Variants in PCDHGA1 observed in about 807,000 individuals in gnomAD.
PCDHGA1 encodes the protein protocadherin gamma-A1.
PCDHGA1 carries 32 observed loss-of-function variants against 58.0 expected under a neutral mutation model. The observed-to-expected ratio is 0.55, with a 90% CI of 0.42 to 0.74. PCDHGA1 has a LOEUF of 0.74. Ranked by LOEUF, PCDHGA1 falls within the 30% of genes least tolerant of loss-of-function variation. The pLI is 0.00. For missense variants in PCDHGA1, 1,205 were observed against 1,182.3 expected (o/e 1.02, Z -0.28); for synonymous variants, 498 against 501.1 (o/e 0.99, Z 0.08).
intron 1 of PCDHGA1, chr5:141,377,929 C>T: frequency 6.6e-6 from 1 of 152,184 alleles, no homozygotes; most frequent in East Asian, 1.9e-4. Flanking sequence ...CCACCTGTAA[C>T]TGCTGCTTAT....
chr5:141,376,556 A>C, intron 1 of PCDHGA1: 1 of 1,611,100 alleles, frequency 6.2e-7, no homozygotes, highest in Non-Finnish European at 8.5e-7. Context: ...TCTTCCCGCA[A>C]CCCAACTAAT....
At chr5:141,484,347 T>C (rs569724902) in intron 1 of PCDHGA1, among the ~76,000 whole-genome samples, 2 of 152,302 alleles carry the variant, frequency 1.3e-5, no homozygotes, top group East Asian at 1.9e-4. Flanking sequence ...AATGGTAATT[T>C]AGTGTATCTA....
chr5:141,347,046 TCTTTCCTCCTTCCTTCCTTCCTTCCTC>T (rs1561493119), intron 1 of PCDHGA1, among the ~76,000 whole-genome samples: 17 of 150,478 alleles, frequency 1.1e-4, no homozygotes, highest in Admixed American at 1.1e-3. Context: ...TTCCTCTCTC[TCTTTCCTCCTTCCTTCCTTCCTTCCTC>T]TCTCTCTTTC....
chr5:141,423,095 A>ACG (rs2096709208), intron 1 of PCDHGA1: 4 of 1,613,860 alleles, frequency 2.5e-6, no homozygotes, highest in African/African-American at 2.7e-5. Flanking sequence ...GTGGGGGAGC[A>ACG]CACGGGCGAG....
At chr5:141,497,201 G>A (rs1190666375) in intron 2 of PCDHGA1, among the ~76,000 whole-genome samples, 1 of 93,734 alleles carries the variant, frequency 1.1e-5, no homozygotes, top group African/African-American at 8.6e-5. Flanking sequence ...AGAACAATGT[G>A]AGTGTAATGG....
At position 141,491,168 on chromosome 5, in the gene PCDHGA1, A is replaced by T. The variant is rs1293664414; in HGVS notation, c.2422-3639A>T. On this transcript the variant is annotated intron_variant, in intron 1 of 3. Transcript: ENST00000517417. This position sits in a 1 kb window ranked among gnomAD's most constrained non-coding sequence, Gnocchi z 6.9. ...CTGGAGGATGACTCTGACACCCAGC[A>T]GGTGGTGGTCCTGGTGAGGGACAAT... 3.1e-6 allele frequency: 5 copies of T among 1,614,160 alleles called. No individual in the cohort carries two copies. The highest frequency in any genetic ancestry group is 4.2e-6 in the Non-Finnish European group (5 of 1,179,988).
chr5:141,443,226 A>T (rs2098374954), intron 1 of PCDHGA1, among the ~76,000 whole-genome samples: 1 of 152,042 alleles, frequency 6.6e-6, no homozygotes, highest in Non-Finnish European at 1.5e-5. Flanking sequence ...CGCATCTATA[A>T]TCTTAGCACT....
At position 141,477,910 on chromosome 5, in the gene PCDHGA1, G is replaced by C. The variant is rs766164142; in HGVS notation, c.2422-16897G>C. ...TGTCACGGGTGGTAGGCTGGGACGC[G>C]GATGCAGGGCACAATGCCTGGCTCT... On this transcript the variant is annotated intron_variant, in intron 1 of 3. Coordinates refer to ENST00000517417, the MANE Select transcript of PCDHGA1 (RefSeq NM_018912.3). This position sits in a 1 kb window ranked among gnomAD's most constrained non-coding sequence, Gnocchi z 4.9. 3 of 1,614,168 alleles carry C rather than the reference G, an allele frequency of 1.9e-6. No homozygotes were observed. Among genetic ancestry groups the C allele is most frequent in the Non-Finnish European group, 2.5e-6 (3 of 1,180,032 alleles).
intron 1 of PCDHGA1, among the ~76,000 whole-genome samples, chr5:141,363,411 T>C (rs1315890359): frequency 6.6e-6 from 1 of 152,244 alleles, no homozygotes; most frequent in African/African-American, 2.4e-5. Flanking sequence ...ATGATAGCAG[T>C]AAATATCTGT....
At chr5:141,400,192 G>A (rs1411721247) in intron 1 of PCDHGA1, 1 of 1,614,088 alleles carries the variant, frequency 6.2e-7, no homozygotes, top group South Asian at 1.1e-5. Context: ...GTTTTACCTA[G>A]TGGTGGCCTT....
intron 1 of PCDHGA1, chr5:141,414,797 G>A: frequency 6.2e-7 from 1 of 1,614,230 alleles, no homozygotes. Context: ...GCCAGCGACA[G>A]CGGGGATCCT....
At chr5:141,410,005 C>T (rs1009148964) in intron 1 of PCDHGA1, 16 of 1,613,172 alleles carry the variant, frequency 9.9e-6, no homozygotes, top group Non-Finnish European at 1.3e-5. Context: ...CGGGACACAA[C>T]GCCTGGCTGT....
intron 1 of PCDHGA1, chr5:141,333,391 C>T (rs543054496): frequency 3.8e-6 from 2 of 528,032 alleles, no homozygotes; most frequent in Admixed American, 3.6e-5. Context: ...TTAGAAACGG[C>T]GATCTAGCTT....
intron 1 of PCDHGA1, chr5:141,345,141 G>C (rs1327084962): frequency 1.2e-6 from 2 of 1,613,838 alleles, no homozygotes; most frequent in African/African-American, 1.3e-5. Context: ...TGCTCTTATC[G>C]ACGTGCATGA....
chr5:141,458,567 TTTTG>T (rs144471304), intron 1 of PCDHGA1, among the ~76,000 whole-genome samples: 42,006 of 151,504 alleles, frequency 0.28, 6,493 homozygotes, highest in African/African-American at 0.43. Context: ...GGTTTTGGGT[TTTTG>T]TTTGTTTGTT....
At chr5:141,356,043 C>T (rs755704809) in intron 1 of PCDHGA1, 3 of 1,613,952 alleles carry the variant, frequency 1.9e-6, no homozygotes, top group Admixed American at 1.7e-5. Flanking sequence ...CGTATTCTTT[C>T]CGGAAAGTAA....
intron 1 of PCDHGA1, among the ~76,000 whole-genome samples, chr5:141,463,990 G>A (rs2099073582): frequency 6.6e-6 from 1 of 151,990 alleles, no homozygotes; most frequent in Non-Finnish European, 1.5e-5. Flanking sequence ...TAAAAACCAG[G>A]TGCAGTGGCT....
chr5:141,331,294 G>A lies in PCDHGA1; in HGVS notation c.610G>A (p.Glu204Lys). 1 of 1,614,160 alleles carries A rather than the reference G, an allele frequency of 6.2e-7. No individual in the cohort carries two copies. Among genetic ancestry groups the A allele is most frequent in the Non-Finnish European group, 8.5e-7 (1 of 1,180,034 alleles). Residue 204 changes from glutamate (E) to lysine (K), a missense_variant, in exon 1 of 4, where the codon GAA becomes AAA. Transcript: ENST00000517417. ...GCTGCAGAGTCCCTTAGACAGAGAA[G>A]AAGAAGCTGTCCACCACCTCATCCT... ...MVLQSPLDRE[E>K]EAVHHLILTA...
chr5:141,419,275 G>A, intron 1 of PCDHGA1: 26 of 1,613,974 alleles, frequency 1.6e-5, no homozygotes, highest in Non-Finnish European at 2.2e-5. Flanking sequence ...CCTCCATAGC[G>A]CAAGTCAGTG....
Sources: allele counts gnomAD v4.1 joint callset (sites outside exome capture counted in the v4.1 genomes callset), GRCh38; gene constraint gnomAD v4.1.1; non-coding constraint Gnocchi (gnomAD v3.1); transcripts MANE v1.5; gene names NCBI Gene and HGNC (gene_info 2026-07-23, HGNC 2026-07-21).